TMCO1: variants seen among roughly 807,000 people sequenced by gnomAD.
TMCO1 encodes the protein calcium load-activated calcium channel.
TMCO1 carries 29 observed loss-of-function variants against 29.3 expected under a neutral mutation model. That is an observed-to-expected ratio of 0.99 (90% CI 0.74 to 1.35). The LOEUF is 1.35. TMCO1 is among the 40% of genes most tolerant of loss of function. The probability of loss-of-function intolerance (pLI) is 0.00; values close to 1 mark genes in which losing one functional copy is unlikely to be tolerated. For synonymous variants in TMCO1, 80 were observed against 77.1 expected (o/e 1.04, Z -0.20); for missense variants, 173 against 225.5 (o/e 0.77, Z 1.49).
chr1:165,748,447 T>G (rs980029538), intron 5 of TMCO1, among the ~76,000 whole-genome samples: 2 of 151,862 alleles, frequency 1.3e-5, no homozygotes, highest in East Asian at 3.9e-4. Context: ...GAGGGATGAA[T>G]GAATGACTAC....
chr1:165,765,000 C>A (rs1252055061), intron 2 of TMCO1, among the ~76,000 whole-genome samples: 1 of 152,058 alleles, frequency 6.6e-6, no homozygotes, highest in Non-Finnish European at 1.5e-5. Context: ...TAATGGACTG[C>A]ATATATGGGG....
chr1:165,760,101 C>T (rs192514134), intron 2 of TMCO1, among the ~76,000 whole-genome samples: 3 of 152,138 alleles, frequency 2.0e-5, no homozygotes, highest in South Asian at 2.1e-4. Context: ...GATAGTTATA[C>T]GCACACTGCA....
At chr1:165,746,186 G>A (rs988965505) in intron 5 of TMCO1, among the ~76,000 whole-genome samples, 6 of 151,824 alleles carry the variant, frequency 4.0e-5, no homozygotes, top group African/African-American at 9.7e-5. Flanking sequence ...GTGCATGCCT[G>A]TAGTCCCAGC....
chr1:165,761,347 C>T (rs929209105), intron 2 of TMCO1, among the ~76,000 whole-genome samples: 5 of 151,874 alleles, frequency 3.3e-5, no homozygotes, highest in Admixed American at 1.3e-4. Flanking sequence ...TCAGCCTGGG[C>T]AACATGGCAA....
Position 165,759,730 on chromosome 1 carries a change from A to G in TMCO1, c.149-146T>C, listed in dbSNP as rs1422322510. 1.4e-5 allele frequency: 9 copies of G among 664,324 alleles called. No homozygotes were observed. In the East Asian group the frequency reaches 1.9e-4, roughly 14 times the overall value. The allele number at this position is 664,324 out of a possible 1,614,324, so 41.2% of individuals were successfully genotyped here. ...TGGTCATGATTAAGTTAACTGGTCC[A>G]CTCTCATAGCTACTGATGGTAAAAG... On this transcript the variant is annotated intron_variant, in intron 2 of 6. Coordinates refer to ENST00000367881, the MANE Select transcript of TMCO1 (RefSeq NM_019026.6).
At position 165,768,635 on chromosome 1, in the gene TMCO1, C is replaced by G. The variant is rs770120567; in HGVS notation, c.70+47G>C. On this transcript the variant is annotated intron_variant, in intron 1 of 6. Transcript: ENST00000367881. ...TGGTGGCACAGGGGACCCCGGGGCC[C>G]TTCCTCCCGGGGACTGATCAAACGT... The G allele has an allele frequency of 1.5e-5, 25 of 1,613,778 alleles. No homozygotes were observed. In the Middle Eastern group the frequency reaches 2.8e-3, roughly 181 times the overall value.
At chr1:165,736,887 G>T (rs1028413230) in intron 6 of TMCO1, among the ~76,000 whole-genome samples, 1 of 152,124 alleles carries the variant, frequency 6.6e-6, no homozygotes, top group East Asian at 1.9e-4. Flanking sequence ...CCACAAACCC[G>T]ATCTCCAGGG....
At chr1:165,749,562 G>C (rs1348376692) in intron 5 of TMCO1, among the ~76,000 whole-genome samples, 1 of 152,220 alleles carries the variant, frequency 6.6e-6, no homozygotes, top group African/African-American at 2.4e-5. Context: ...ACTCTGGGAG[G>C]CCAGAGGTAG....
At chr1:165,761,177 G>A (rs1425538056) in intron 2 of TMCO1, among the ~76,000 whole-genome samples, 2 of 151,954 alleles carry the variant, frequency 1.3e-5, no homozygotes, top group East Asian at 1.9e-4. Flanking sequence ...GTATTTGTGT[G>A]TGTGTGTGTG....
chr1:165,725,279 A>G (rs1052774941), downstream of TMCO1: 18 of 453,870 alleles, frequency 4.0e-5, no homozygotes, highest in Non-Finnish European at 7.9e-5. Context: ...TTTGTTTTAG[A>G]AGGGGGATCT....
At chr1:165,728,834 C>T (rs955332630) in intron 6 of TMCO1, among the ~76,000 whole-genome samples, 1 of 151,982 alleles carries the variant, frequency 6.6e-6, no homozygotes, top group African/African-American at 2.4e-5. Flanking sequence ...TGGTGGCTCA[C>T]GCCTGTAATC....
downstream of TMCO1, chr1:165,726,501 A>G (rs1650897024): frequency 5.9e-6 from 3 of 505,314 alleles, no homozygotes; most frequent in Non-Finnish European, 1.2e-5. Context: ...ACACTGGTTG[A>G]ATTCAAATCC....
At chr1:165,728,418 G>A (rs765293109) in intron 6 of TMCO1, among the ~76,000 whole-genome samples, 1 of 151,766 alleles carries the variant, frequency 6.6e-6, no homozygotes, top group Non-Finnish European at 1.5e-5. Flanking sequence ...CACCACACCC[G>A]GCTAATTTTC....
At position 165,747,812 on chromosome 1, in the gene TMCO1, C is replaced by A. The variant is rs939363794; in HGVS notation, c.323+4290G>T. ...GCAAGTTAAGTGACTTAGAGTCTCA[C>A]GTCCTCATCTGTAAAATAAAGATTA... On this transcript the variant is annotated intron_variant, in intron 5 of 6. Coordinates refer to ENST00000367881, the MANE Select transcript of TMCO1 (RefSeq NM_019026.6). 2.6e-5 allele frequency among the ~76,000 whole-genome samples: 4 copies of A among 152,172 alleles called. No homozygotes were observed. In the East Asian group the frequency reaches 7.7e-4, roughly 29 times the overall value.
intron 5 of TMCO1, among the ~76,000 whole-genome samples, chr1:165,748,744 T>C (rs1256122869): frequency 2.0e-5 from 3 of 152,180 alleles, no homozygotes; most frequent in Non-Finnish European, 2.9e-5. Flanking sequence ...GTGTTGTACA[T>C]TCTATGGGTT....
chr1:165,727,040 A>C lies in TMCO1; in HGVS notation c.*983T>G. On this transcript the variant is annotated 3_prime_UTR_variant, in exon 7 of 7. Transcript: ENST00000367881. ...ATGAATGTGCATATTTATTGATAAG[A>C]CTCCACACAGGACTCCTAATTCCAT... is the stretch of plus-strand genomic sequence containing the variant. 2.2e-6 allele frequency: 1 copy of C among 453,972 alleles called. No homozygotes were observed. The highest frequency in any genetic ancestry group is 4.4e-6 in the Non-Finnish European group (1 of 226,752). 28.1% of individuals were successfully genotyped at this position (453,972 alleles called of 1,614,324 possible).
At chr1:165,730,029 G>A (rs977297967) in intron 6 of TMCO1, among the ~76,000 whole-genome samples, 1 of 151,984 alleles carries the variant, frequency 6.6e-6, no homozygotes, top group Non-Finnish European at 1.5e-5. Context: ...ATAAGAATGT[G>A]TATTGAGGAC....
In TMCO1 at chr1:165,765,674, T is replaced by G. The variant is rs190018603; in HGVS notation, c.148+2518A>C. Reference sequence around the variant, plus strand: ...GTAATAGGATTAGCCCAGCACATATTGTAGGGAAGAACATTTCTAAGCAGA... The same window carrying G: ...GTAATAGGATTAGCCCAGCACATATGGTAGGGAAGAACATTTCTAAGCAGA... On this transcript the variant is annotated intron_variant, in intron 2 of 6. Transcript: ENST00000367881. Among the ~76,000 whole-genome samples the G allele has an allele frequency of 5.9e-5, 9 of 152,284 alleles. No individual in the cohort carries two copies. In the East Asian group the frequency reaches 1.7e-3, roughly 29 times the overall value.
chr1:165,725,162 A>G (rs1191529972), downstream of TMCO1: 1 of 437,380 alleles, frequency 2.3e-6, no homozygotes, highest in Admixed American at 2.6e-5. Flanking sequence ...ATCTAAAAAA[A>G]GAGAAAGTAT....
Sources: allele counts gnomAD v4.1 joint callset (sites outside exome capture counted in the v4.1 genomes callset), GRCh38; gene constraint gnomAD v4.1.1; transcripts MANE v1.5; gene names NCBI Gene and HGNC (gene_info 2026-07-23, HGNC 2026-07-21).